Variants in ERCC6L2 observed in about 807,000 individuals in gnomAD.
ERCC6L2 encodes the protein ERCC excision repair 6 like 2, also known as DNA excision repair protein ERCC-6-like 2.
A neutral mutation model predicts 132.0 loss-of-function variants in ERCC6L2; 77 were observed. The ratio of observed to expected loss-of-function variants is 0.58; its 90% CI spans 0.49 to 0.71. The LOEUF (loss-of-function observed/expected upper bound fraction) is 0.71. ERCC6L2 is among the 30% of genes least tolerant of loss of function. The pLI, the probability that ERCC6L2 is intolerant of heterozygous loss-of-function variation, is 0.00. For synonymous variants in ERCC6L2, 583 were observed against 632.4 expected (o/e 0.92, Z 1.17); for missense variants, 1,542 against 1,837.6 (o/e 0.84, Z 2.94).
At chr9:96,027,112 C>T (rs1834386815) in intron 19 of ERCC6L2, among the ~76,000 whole-genome samples, 1 of 149,668 alleles carries the variant, frequency 6.7e-6, no homozygotes, top group Non-Finnish European at 1.5e-5. Context: ...ACACACTACA[C>T]ACACCACACA....
At chr9:96,024,004 ATC>A (rs1317857256) in intron 19 of ERCC6L2, among the ~76,000 whole-genome samples, 1 of 152,242 alleles carries the variant, frequency 6.6e-6, no homozygotes, top group Non-Finnish European at 1.5e-5. Context: ...AAGTGTCAGT[ATC>A]AGCATTTATC....
rs147894132 is a variant in ERCC6L2 at position 96,035,008 on chromosome 9, G to A, written c.*1504-3868G>A. Among the ~76,000 whole-genome samples the A allele has an allele frequency of 1.8e-4, 28 of 152,292 alleles. No individual in the cohort carries two copies. The East Asian group carries it at 5.0e-3, about 27-fold the overall frequency. On this transcript the variant is annotated intron_variant and NMD_transcript_variant, in intron 19 of 20. Transcript: ENST00000670016. ...GCCCTCCCAGGCACAGGACCTTGGCGTCTCTGTAGCCTGCACCCTTGGGGG... is the reference window on the plus strand; with the variant it reads ...GCCCTCCCAGGCACAGGACCTTGGCATCTCTGTAGCCTGCACCCTTGGGGG...
chr9:95,972,539 G>A lies in ERCC6L2; in HGVS notation c.2788G>A (p.Asp930Asn). The change falls in exon 16 of 19, where the codon GAT becomes AAT. Residue 930 changes from aspartate to asparagine, a missense_variant. Asp to Asn is a conservative substitution (Grantham distance 23). Around this residue, in one of 4 missense-constraint regions of ERCC6L2, gnomAD observed 945 missense variants for 1,105.2 expected, o/e 0.86. Coordinates refer to ENST00000653738, the MANE Select transcript of ERCC6L2 (RefSeq NM_020207.7). ...TAAGCCACCCTTGGAAGGATCTGAG[G>A]ATTCTGAAACAGAACACACTGTAAA... ...RFKPPLEGSEDSETEHTVKTR... is the reference protein window; with the variant it reads ...RFKPPLEGSENSETEHTVKTR... The A allele has an allele frequency of 7.8e-7, 1 of 1,289,932 alleles. No homozygotes were observed. The highest frequency in any genetic ancestry group is 1.0e-6 in the Non-Finnish European group (1 of 988,894). The allele number at this position is 1,289,932 out of a possible 1,614,324, so 79.9% of individuals were successfully genotyped here.
intron 1 of ERCC6L2, among the ~76,000 whole-genome samples, chr9:95,880,614 C>G (rs1827537841): frequency 6.6e-6 from 1 of 152,160 alleles, no homozygotes; most frequent in Non-Finnish European, 1.5e-5. Flanking sequence ...TATTTTTAAA[C>G]TCCAGGGGAG....
intron 19 of ERCC6L2, among the ~76,000 whole-genome samples, chr9:96,038,326 G>A (rs577506756): frequency 7.0e-4 from 107 of 152,316 alleles, no homozygotes; most frequent in Non-Finnish European, 7.4e-4. Context: ...CCGAATAAAA[G>A]GAGAGAAGCC....
chr9:96,026,832 C>A (rs1187007494), intron 19 of ERCC6L2, among the ~76,000 whole-genome samples: 1 of 147,132 alleles, frequency 6.8e-6, no homozygotes, highest in Non-Finnish European at 1.5e-5. Flanking sequence ...TCACCACACG[C>A]ACCAAACACG....
intron 3 of ERCC6L2, among the ~76,000 whole-genome samples, chr9:95,900,119 C>T (rs1353500381): frequency 6.6e-6 from 1 of 152,126 alleles, no homozygotes; most frequent in African/African-American, 2.4e-5. Flanking sequence ...GGCATGGTTG[C>T]TCACACCTGT....
At chr9:96,007,170 C>A (rs532248437) in intron 18 of ERCC6L2, among the ~76,000 whole-genome samples, 1 of 152,310 alleles carries the variant, frequency 6.6e-6, no homozygotes, top group South Asian at 2.1e-4. Flanking sequence ...ACCAGCATAT[C>A]CCCCAGCATT....
chr9:95,945,295 G>A (rs1032718555), intron 12 of ERCC6L2, among the ~76,000 whole-genome samples: 17 of 152,150 alleles, frequency 1.1e-4, no homozygotes, highest in South Asian at 2.1e-4. Flanking sequence ...TGTTCCACCC[G>A]GCTCACTGGC....
chr9:96,019,006 T>G (rs1834239763), downstream of ERCC6L2, among the ~76,000 whole-genome samples: 1 of 152,182 alleles, frequency 6.6e-6, no homozygotes, highest in African/African-American at 2.4e-5. Flanking sequence ...AAAACTCACT[T>G]TATGTTGTTT....
chr9:95,916,266 G>A lies in ERCC6L2; in HGVS notation c.990G>A (p.Lys330=). 6.2e-7 allele frequency: 1 copy of A among 1,614,110 alleles called. No homozygotes were observed. Among genetic ancestry groups the A allele is most frequent in the Non-Finnish European group, 8.5e-7 (1 of 1,179,988 alleles). ...TTTTAGGGAGTGGGACCTACTTCAAGAAGCAGTTTTCTGACCCAGTAGAAC... is the reference window on the plus strand; with the variant it reads ...TTTTAGGGAGTGGGACCTACTTCAAAAAGCAGTTTTCTGACCCAGTAGAAC... ...PGLLGSGTYF[K]KQFSDPVEHG... The change falls in exon 6 of 19, where the codon AAG becomes AAA. Residue 330 remains lysine (K), a synonymous_variant. Transcript: ENST00000653738.
At chr9:96,026,692 TAC>T (rs1834370869) in intron 19 of ERCC6L2, among the ~76,000 whole-genome samples, 1 of 85,498 alleles carries the variant, frequency 1.2e-5, no homozygotes, top group Non-Finnish European at 2.3e-5. Context: ...CACACCACAC[TAC>T]ACACAAACGC....
At chr9:95,993,140 C>A (rs1415184218) in intron 17 of ERCC6L2, among the ~76,000 whole-genome samples, 2 of 152,146 alleles carry the variant, frequency 1.3e-5, no homozygotes, top group Non-Finnish European at 2.9e-5. Flanking sequence ...AATCTCCCTT[C>A]TCCTAGATCC....
intron 2 of ERCC6L2, among the ~76,000 whole-genome samples, chr9:95,888,584 T>G (rs189936968): frequency 2.6e-5 from 4 of 152,318 alleles, no homozygotes; most frequent in East Asian, 1.9e-4. Flanking sequence ...AATTAATATT[T>G]TGATAGACCT....
intron 2 of ERCC6L2, among the ~76,000 whole-genome samples, chr9:95,891,649 T>A (rs1346620254): frequency 6.6e-6 from 1 of 152,148 alleles, no homozygotes; most frequent in Non-Finnish European, 1.5e-5. Context: ...TAAAACATTT[T>A]ACATTCCTAC....
intron 2 of ERCC6L2, 140 bp downstream of exon 2, chr9:95,881,433 A>T: frequency 9.0e-6 from 5 of 555,008 alleles, no homozygotes; most frequent in Non-Finnish European, 1.2e-5. Context: ...CACTAACTAG[A>T]TAGTGAAGTC....
intron 13 of ERCC6L2, among the ~76,000 whole-genome samples, chr9:95,959,029 T>G (rs561821929): frequency 4.3e-4 from 65 of 151,920 alleles, no homozygotes; most frequent in African/African-American, 1.5e-3. Context: ...AAAAACTACT[T>G]TAAAGTTCAT....
intron 17 of ERCC6L2, among the ~76,000 whole-genome samples, chr9:95,979,973 A>ACC (rs1832827642): frequency 1.3e-5 from 2 of 152,174 alleles, no homozygotes; most frequent in Non-Finnish European, 2.9e-5. Context: ...AATTTGGCAA[A>ACC]CCGCTGTAGT....
At chr9:95,953,771 T>C (rs1831462088) in intron 12 of ERCC6L2, among the ~76,000 whole-genome samples, 1 of 152,074 alleles carries the variant, frequency 6.6e-6, no homozygotes, top group African/African-American at 2.4e-5. Flanking sequence ...GAACATAATA[T>C]AAATTGTAAC....
Sources: gnomAD v4.1 joint callset for allele counts (sites outside exome capture counted in the v4.1 genomes callset) on GRCh38, gnomAD v4.1.1 for gene constraint, gnomAD v4.1.1 regional missense constraint, MANE v1.5 for transcripts, NCBI Gene and HGNC (gene_info 2026-07-23, HGNC 2026-07-21) for gene names.